Variants in RASAL2 observed in about 807,000 individuals in gnomAD.
RASAL2 encodes the protein RAS protein activator like 2, also known as ras GTPase-activating protein nGAP.
In RASAL2, 58 loss-of-function variants were observed where a neutral mutation model predicts 128.9. The observed-to-expected ratio is 0.45, with a 90% confidence interval of 0.36 to 0.56. The LOEUF is 0.56. Among genes scored for constraint, RASAL2 ranks in the 20% least tolerant of loss-of-function variants. The pLI is 0.00. For synonymous variants in RASAL2, 561 were observed against 580.8 expected (o/e 0.97, Z 0.49); for missense variants, 1,360 against 1,601.6 (o/e 0.85, Z 2.57).
chr1:178,230,746 G>A (rs897783961), intron 1 of RASAL2, among the ~76,000 whole-genome samples: 5 of 152,140 alleles, frequency 3.3e-5, no homozygotes, highest in Non-Finnish European at 7.4e-5. Flanking sequence ...AATACACTTG[G>A]AAGAGGGCCA....
At chr1:178,426,195 G>C (rs1469088965) in intron 5 of RASAL2, among the ~76,000 whole-genome samples, 1 of 152,130 alleles carries the variant, frequency 6.6e-6, no homozygotes, top group Non-Finnish European at 1.5e-5. Flanking sequence ...AAACTTGTAT[G>C]TGAATGTTCA....
chr1:178,214,628 G>A (rs1040347763), intron 1 of RASAL2, among the ~76,000 whole-genome samples: 3 of 150,330 alleles, frequency 2.0e-5, no homozygotes, highest in Admixed American at 6.7e-5. Flanking sequence ...GCGCAATCTC[G>A]GCTCACTGCA....
intron 4 of RASAL2, among the ~76,000 whole-genome samples, chr1:178,390,870 G>A (rs777808430): frequency 6.6e-4 from 97 of 147,468 alleles, no homozygotes; most frequent in Non-Finnish European, 5.0e-4. Context: ...CTGGTGGCAG[G>A]TTTTTTTTTT....
At chr1:178,385,089 C>T (rs1350344622) in intron 3 of RASAL2, among the ~76,000 whole-genome samples, 2 of 152,186 alleles carry the variant, frequency 1.3e-5, no homozygotes, top group Non-Finnish European at 1.5e-5. Flanking sequence ...AGACATTTCA[C>T]TTTACTCTCT....
chr1:178,268,282 A>G (rs967995296), intron 1 of RASAL2, among the ~76,000 whole-genome samples: 2 of 152,152 alleles, frequency 1.3e-5, no homozygotes, highest in Non-Finnish European at 2.9e-5. Flanking sequence ...ATCCTGGCCA[A>G]CATGGTGAAA....
intron 1 of RASAL2, among the ~76,000 whole-genome samples, chr1:178,098,875 G>T (rs1483673349): frequency 1.3e-5 from 2 of 152,018 alleles, no homozygotes; most frequent in Middle Eastern, 3.2e-3. Flanking sequence ...GCAAACAGAA[G>T]AAAAAGGGAA....
intron 1 of RASAL2, among the ~76,000 whole-genome samples, chr1:178,095,548 T>A (rs1558050353): frequency 6.6e-6 from 1 of 152,340 alleles, no homozygotes; most frequent in South Asian, 2.1e-4. Flanking sequence ...CGTGGCTGAG[T>A]ATAAGATGGC....
intron 3 of RASAL2, among the ~76,000 whole-genome samples, chr1:178,380,849 C>G (rs142459615): frequency 3.7e-4 from 56 of 152,136 alleles, no homozygotes; most frequent in African/African-American, 1.2e-3. Context: ...ACACTAGTAT[C>G]AGTATTAGTC....
chr1:178,141,125 C>T (rs1022863671), intron 1 of RASAL2, among the ~76,000 whole-genome samples: 12 of 152,094 alleles, frequency 7.9e-5, no homozygotes, highest in African/African-American at 2.9e-4. Flanking sequence ...TGAGGATCCA[C>T]CCCTGTGATC....
intron 1 of RASAL2, among the ~76,000 whole-genome samples, chr1:178,105,366 G>A (rs1158081065): frequency 2.6e-5 from 4 of 152,166 alleles, no homozygotes; most frequent in African/African-American, 9.7e-5. Context: ...TAATACATAA[G>A]CATAAGCTTG....
intron 1 of RASAL2, among the ~76,000 whole-genome samples, chr1:178,103,829 C>T (rs1371555858): frequency 6.6e-6 from 1 of 152,068 alleles, no homozygotes; most frequent in Non-Finnish European, 1.5e-5. Flanking sequence ...TGGTATTCCC[C>T]CCACCCTTAT....
chr1:178,278,481 T>G (rs1666629749), intron 1 of RASAL2, among the ~76,000 whole-genome samples: 1 of 152,210 alleles, frequency 6.6e-6, no homozygotes, highest in Admixed American at 6.5e-5. Context: ...TTCTTCTTTC[T>G]CCTCTCAATA....
At chr1:178,362,602 A>G (rs1671182212) in intron 3 of RASAL2, among the ~76,000 whole-genome samples, 3 of 152,180 alleles carry the variant, frequency 2.0e-5, no homozygotes, top group Non-Finnish European at 4.4e-5. Context: ...TAGCCTACAT[A>G]GCTGCAAACT....
At chr1:178,351,754 A>G (rs530695805) in intron 3 of RASAL2, among the ~76,000 whole-genome samples, 1 of 150,016 alleles carries the variant, frequency 6.7e-6, no homozygotes, top group South Asian at 2.1e-4. Flanking sequence ...AAAAAAGTGT[A>G]GGCATTGGGT....
chr1:178,405,679 A>G (rs999056220), intron 4 of RASAL2, among the ~76,000 whole-genome samples: 4 of 152,216 alleles, frequency 2.6e-5, no homozygotes, highest in Non-Finnish European at 2.9e-5. Flanking sequence ...TGACACTTTG[A>G]TTTTAGCCAG....
At chr1:178,445,088 A>C (rs1173968924) in intron 8 of RASAL2, among the ~76,000 whole-genome samples, 3 of 151,644 alleles carry the variant, frequency 2.0e-5, no homozygotes, top group Non-Finnish European at 4.4e-5. Context: ...GAGCTACCTG[A>C]CAGTGGGAGT....
chr1:178,333,439 A>G (rs1433874586), intron 3 of RASAL2, among the ~76,000 whole-genome samples: 2 of 152,192 alleles, frequency 1.3e-5, no homozygotes, highest in Non-Finnish European at 2.9e-5. Context: ...TTTTTTGTCA[A>G]TATGACATTT....
intron 1 of RASAL2, among the ~76,000 whole-genome samples, chr1:178,152,999 T>C (rs1275595653): frequency 6.6e-6 from 1 of 152,224 alleles, no homozygotes; most frequent in Non-Finnish European, 1.5e-5. Context: ...TTTCCCCTAT[T>C]GTCTTACAGT....
At chr1:178,326,809 G>T (rs1669062279) in intron 3 of RASAL2, among the ~76,000 whole-genome samples, 1 of 152,138 alleles carries the variant, frequency 6.6e-6, no homozygotes, top group Non-Finnish European at 1.5e-5. Context: ...CTCCCAAAGT[G>T]CTGGGATTAC....
Sources: allele counts gnomAD v4.1 joint callset (sites outside exome capture counted in the v4.1 genomes callset), GRCh38; gene constraint gnomAD v4.1.1; transcripts MANE v1.5; gene names NCBI Gene and HGNC (gene_info 2026-07-23, HGNC 2026-07-21).